The following ASH1L variants were observed in gnomAD, a reference collection of about 807,000 sequenced individuals.
The protein encoded by ASH1L is ASH1 like histone lysine methyltransferase.
In ASH1L, 23 loss-of-function variants were observed where a neutral mutation model predicts 269.0. That is an observed-to-expected ratio of 0.09 (90% CI 0.06 to 0.12). The LOEUF is 0.12. ASH1L is among the 10% of genes least tolerant of loss of function. ASH1L has a pLI of 1.00. For missense variants in ASH1L, 2,912 were observed against 3,567.8 expected (o/e 0.82, Z 4.68); for synonymous variants, 1,187 against 1,253.5 (o/e 0.95, Z 1.12).
At chr1:155,397,556 T>C (rs1658471799) in intron 6 of ASH1L, among the ~76,000 whole-genome samples, 1 of 151,924 alleles carries the variant, frequency 6.6e-6, no homozygotes, top group Admixed American at 6.6e-5. Context: ...CCTTCATTTA[T>C]TTATTTTTTT....
At chr1:155,340,470 C>T (rs1244776456) in intron 25 of ASH1L, among the ~76,000 whole-genome samples, 5 of 152,100 alleles carry the variant, frequency 3.3e-5, no homozygotes, top group African/African-American at 7.2e-5. Context: ...TGTGAGCCAC[C>T]GCGCCTGGCC....
At chr1:155,390,643 C>G (rs539986547) in intron 7 of ASH1L, among the ~76,000 whole-genome samples, 50 of 135,430 alleles carry the variant, frequency 3.7e-4, no homozygotes, top group Non-Finnish European at 6.2e-4. Flanking sequence ...CCCCCCCCCC[C>G]CTTTTTTCTT....
intron 5 of ASH1L, among the ~76,000 whole-genome samples, chr1:155,434,679 C>T (rs954264971): frequency 2.6e-5 from 4 of 151,856 alleles, no homozygotes; most frequent in East Asian, 3.9e-4. Flanking sequence ...GGTAAAAACC[C>T]GTCTCTACTA....
In ASH1L at chr1:155,474,856, A is replaced by G. The variant is rs781097128; in HGVS notation, c.4984+3030T>C. 3.3e-5 allele frequency among the ~76,000 whole-genome samples: 5 copies of G among 152,216 alleles called. No homozygotes were observed. The South Asian group carries it at 6.2e-4, about 19-fold the overall frequency. ...ACCATCATGTTATCTAGACTACTGC[A>G]ATTGCCTATTAACCAGTTTCCTTCA... On this transcript the variant is annotated intron_variant, in intron 3 of 27. Transcript: ENST00000392403.
At chr1:155,426,127 C>T (rs1189515038) in intron 5 of ASH1L, among the ~76,000 whole-genome samples, 20 of 152,040 alleles carry the variant, frequency 1.3e-4, no homozygotes, top group African/African-American at 4.3e-4. Context: ...TGCAATGGCA[C>T]GATCTTGGCT....
At position 155,458,037 on chromosome 1, in the gene ASH1L, C is replaced by A. The variant is rs1437684234; in HGVS notation, c.5086+1760G>T. On this transcript the variant is annotated intron_variant, in intron 4 of 27. Coordinates refer to ENST00000392403, the MANE Select transcript of ASH1L (RefSeq NM_018489.3). ...AATAATTCTTAGCTTGAGGGCTACA[C>A]AAAAACAGGCCTTGGACTGCATTTG... Among the ~76,000 whole-genome samples the A allele has an allele frequency of 3.9e-5, 6 of 152,250 alleles. No homozygotes were observed. The East Asian group carries it at 1.2e-3, about 29-fold the overall frequency.
intron 1 of ASH1L, among the ~76,000 whole-genome samples, chr1:155,523,691 T>C (rs116564554): frequency 1.5e-3 from 233 of 152,128 alleles, no homozygotes; most frequent in African/African-American, 5.5e-3. Flanking sequence ...GGTCAACATG[T>C]CGAAACCCGT....
intron 7 of ASH1L, among the ~76,000 whole-genome samples, chr1:155,390,746 C>A (rs1271028002): frequency 6.7e-6 from 1 of 150,184 alleles, no homozygotes; most frequent in Non-Finnish European, 1.5e-5. Flanking sequence ...CCCGGGTTCA[C>A]ACCATTCTCC....
intron 7 of ASH1L, among the ~76,000 whole-genome samples, chr1:155,390,632 TCC>T (rs538641218): frequency 0.059 from 5,826 of 98,394 alleles, 503 homozygotes; most frequent in African/African-American, 0.2. Flanking sequence ...AATATCATTC[TCC>T]CCCCCCCCCC....
At chr1:155,445,569 A>T (rs115858195) in intron 4 of ASH1L, among the ~76,000 whole-genome samples, 1,572 of 152,174 alleles carry the variant, frequency 0.01, 31 homozygotes, top group African/African-American at 0.036. Flanking sequence ...GGCTCAAGTG[A>T]TCTTCCTGCA....
At chr1:155,341,802 G>T in intron 25 of ASH1L, 134 bp downstream of exon 25, 1 of 890,444 alleles carries the variant, frequency 1.1e-6, no homozygotes, top group Non-Finnish European at 1.8e-6. Context: ...CCCAAATAGA[G>T]ACAGAGATAT....
At chr1:155,510,411 CAAAAAAA>C (rs1161549080) in intron 2 of ASH1L, among the ~76,000 whole-genome samples, 24 of 40,948 alleles carry the variant, frequency 5.9e-4, no homozygotes, top group South Asian at 5.2e-3. Context: ...AAGGCTGCCT[CAAAAAAA>C]AAAAAAAAAA....
intron 3 of ASH1L, among the ~76,000 whole-genome samples, chr1:155,469,142 C>G (rs1198594326): frequency 6.6e-6 from 1 of 151,928 alleles, no homozygotes; most frequent in Non-Finnish European, 1.5e-5. Context: ...CAGTACTTAC[C>G]TAACCAATCT....
Position 155,498,175 on chromosome 1 carries a change from C to T in ASH1L, c.421-15726G>A, listed in dbSNP as rs190911707. Among the ~76,000 whole-genome samples the T allele has an allele frequency of 5.7e-3, 868 of 152,126 alleles. 7 individuals are homozygous for T. The highest frequency in any genetic ancestry group is 0.02 in the African/African-American group (826 of 41,502). Reference sequence around the variant, plus strand: ...CCACTTACATATGAGGTAACCAGAACAGTCAAATTCATAAAGACAGAAAAC... The same window carrying T: ...CCACTTACATATGAGGTAACCAGAATAGTCAAATTCATAAAGACAGAAAAC... On this transcript the variant is annotated intron_variant, in intron 2 of 27. Transcript: ENST00000392403.
chr1:155,357,917 C>T (rs1005475919), intron 13 of ASH1L, among the ~76,000 whole-genome samples, 168 bp from the exon 14 acceptor site: 8 of 151,974 alleles, frequency 5.3e-5, no homozygotes, highest in African/African-American at 1.5e-4. Context: ...ATTACAGGTG[C>T]GTGCCACTAT....
chr1:155,525,991 T>A (rs1056686798), intron 1 of ASH1L, among the ~76,000 whole-genome samples: 41 of 152,296 alleles, frequency 2.7e-4, no homozygotes, highest in South Asian at 8.3e-4. Flanking sequence ...TACTTTAAAA[T>A]TTTGTATAAT....
chr1:155,411,586 A>AATAAATAAATATATATATATATAT lies in ASH1L; in HGVS notation c.6008+4157_6008+4158insATATATATATATATATTTATTTAT, dbSNP rs1297131961. ...AAATATGAATATAAATAAATAAATAAATATATATATATATATATATATATA... is the reference window on the plus strand; with the variant it reads ...AAATATGAATATAAATAAATAAATAAATAAATAAATATATATATATATATATATATATATATATATATATATATA... On this transcript the variant is annotated intron_variant, in intron 6 of 27. Transcript: ENST00000392403. 3.6e-3 allele frequency among the ~76,000 whole-genome samples: 195 copies of AATAAATAAATATATATATATATAT among 54,790 alleles called. 2 individuals carry two copies. The highest frequency in any genetic ancestry group is 5.3e-3 in the Non-Finnish European group (163 of 30,982). The allele number at this position is 54,790 out of a possible 152,430, so 35.9% of individuals were successfully genotyped here.
chr1:155,546,752 G>A (rs1378009123), intron 1 of ASH1L, among the ~76,000 whole-genome samples: 6 of 150,030 alleles, frequency 4.0e-5, no homozygotes, highest in African/African-American at 1.2e-4. Flanking sequence ...GCAAGACTCC[G>A]TCTCAAAAAA....
intron 3 of ASH1L, among the ~76,000 whole-genome samples, chr1:155,462,707 G>A (rs1664396411): frequency 6.6e-6 from 1 of 152,110 alleles, no homozygotes; most frequent in South Asian, 2.1e-4. Context: ...GGATTTAATA[G>A]GAGATTTGAG....
Sources: allele counts gnomAD v4.1 joint callset (sites outside exome capture counted in the v4.1 genomes callset), GRCh38; gene constraint gnomAD v4.1.1; transcripts MANE v1.5; gene names NCBI Gene and HGNC (gene_info 2026-07-23, HGNC 2026-07-21).